Variants in PDE4B observed in about 807,000 individuals in gnomAD.
PDE4B encodes 3',5'-cyclic-AMP phosphodiesterase 4B.
Under a neutral mutation model 82.2 loss-of-function variants are expected in PDE4B, and 20 were observed. The observed-to-expected ratio is 0.24, with a 90% CI of 0.17 to 0.35. The LOEUF (loss-of-function observed/expected upper bound fraction) is 0.35. Among genes scored for constraint, PDE4B ranks in the 10% least tolerant of loss-of-function variants. The probability of loss-of-function intolerance (pLI) is 1.00; values close to 1 mark genes in which losing one functional copy is unlikely to be tolerated. For missense variants in PDE4B, 655 were observed against 907.2 expected, an observed-to-expected ratio of 0.72 and a Z score of 3.57; for synonymous variants, 320 against 318.9, an observed-to-expected ratio of 1.00 and a Z score of -0.04.
At chr1:65,858,819 G>C (rs1268211683) in intron 1 of PDE4B, among the ~76,000 whole-genome samples, 1 of 152,100 alleles carries the variant, frequency 6.6e-6, no homozygotes, top group Non-Finnish European at 1.5e-5. Flanking sequence ...AATGGCAAGG[G>C]ACCATTCTGG....
At chr1:65,862,674 G>C (rs1276769948) in intron 1 of PDE4B, among the ~76,000 whole-genome samples, 1 of 152,034 alleles carries the variant, frequency 6.6e-6, no homozygotes, top group Non-Finnish European at 1.5e-5. Flanking sequence ...GAATCCGTCT[G>C]GTCCTGGACC....
At chr1:66,021,209 G>C (rs1209563867) in intron 3 of PDE4B, among the ~76,000 whole-genome samples, 1 of 152,272 alleles carries the variant, frequency 6.6e-6, no homozygotes, top group South Asian at 2.1e-4. Flanking sequence ...GTAGATTCTG[G>C]ATATTAGCCC....
At chr1:66,168,753 A>G (rs1396409487) in intron 3 of PDE4B, among the ~76,000 whole-genome samples, 1 of 152,208 alleles carries the variant, frequency 6.6e-6, no homozygotes, top group Non-Finnish European at 1.5e-5. Flanking sequence ...TTGAAAATAA[A>G]CTGTAGCAGG....
At chr1:65,874,300 G>A (rs1234803516) in intron 1 of PDE4B, among the ~76,000 whole-genome samples, 6 of 152,080 alleles carry the variant, frequency 3.9e-5, no homozygotes, top group Admixed American at 2.6e-4. Flanking sequence ...TTGCTGATCA[G>A]CTTAAGGAGA....
intron 1 of PDE4B, among the ~76,000 whole-genome samples, chr1:65,854,773 G>A (rs888440518): frequency 6.6e-6 from 1 of 151,774 alleles, no homozygotes; most frequent in Non-Finnish European, 1.5e-5. Flanking sequence ...TTTAGCTTTT[G>A]TAAAAGTATT....
At chr1:65,884,075 AT>A (rs1249215909) in intron 1 of PDE4B, among the ~76,000 whole-genome samples, 1 of 151,810 alleles carries the variant, frequency 6.6e-6, no homozygotes, top group Non-Finnish European at 1.5e-5. Context: ...TTTATTGAGG[AT>A]TTTTGCATCA....
intron 3 of PDE4B, among the ~76,000 whole-genome samples, chr1:65,982,126 T>C (rs1048704958): frequency 3.9e-5 from 6 of 152,184 alleles, no homozygotes; most frequent in Non-Finnish European, 5.9e-5. Context: ...GTTAGACTTA[T>C]GAATGTTAAA....
intron 3 of PDE4B, among the ~76,000 whole-genome samples, chr1:66,139,557 G>A (rs1405615324): frequency 1.3e-5 from 2 of 151,970 alleles, no homozygotes; most frequent in Non-Finnish European, 2.9e-5. Context: ...CTATCATAAG[G>A]TCTGTAACCT....
intron 3 of PDE4B, among the ~76,000 whole-genome samples, chr1:66,067,730 T>C (rs1161736828): frequency 1.3e-5 from 2 of 152,102 alleles, no homozygotes; most frequent in Non-Finnish European, 2.9e-5. Context: ...TTATTGCCAT[T>C]GCTTTTGGTG....
At chr1:65,884,303 G>A (rs1268132659) in intron 1 of PDE4B, among the ~76,000 whole-genome samples, 1 of 151,994 alleles carries the variant, frequency 6.6e-6, no homozygotes, top group African/African-American at 2.4e-5. Context: ...TTTTTTGGTT[G>A]GTAGGCTATT....
intron 9 of PDE4B, 33 bp downstream of exon 9, chr1:66,355,653 A>T: frequency 7.7e-7 from 1 of 1,302,226 alleles, no homozygotes; most frequent in Middle Eastern, 1.8e-4. Context: ...CCTGTTTTAT[A>T]ACTGGGGTTT....
chr1:66,282,926 T>C (rs1656398312), intron 7 of PDE4B, among the ~76,000 whole-genome samples: 1 of 152,160 alleles, frequency 6.6e-6, no homozygotes, highest in African/African-American at 2.4e-5. Flanking sequence ...CCTAGGCTTC[T>C]TCCACCTCTC....
chr1:66,266,634 T>G (rs751808666), intron 7 of PDE4B: 1 of 486,710 alleles, frequency 2.1e-6, no homozygotes, highest in Non-Finnish European at 4.2e-6. Flanking sequence ...TTTTGTTTTG[T>G]TTTTTGTTTT....
In PDE4B at chr1:66,317,371, C is replaced by T. The variant is rs1490263890; in HGVS notation, c.635-15137C>T. The stretch of plus-strand genomic sequence containing the variant: ...AACCCTACCCCGCACACTTCAGACA[C>T]AGCCCTAGACTGCTTAGATGCTTAC... On this transcript the variant is annotated intron_variant, in intron 7 of 16. Transcript: ENST00000341517. Among the ~76,000 whole-genome samples, 6 of 152,260 alleles carry T rather than the reference C, an allele frequency of 3.9e-5. No individual in the cohort carries two copies. In the East Asian group the frequency reaches 7.7e-4, roughly 20 times the overall value.
At chr1:66,194,917 G>A (rs1412515571) in intron 3 of PDE4B, among the ~76,000 whole-genome samples, 1 of 152,022 alleles carries the variant, frequency 6.6e-6, no homozygotes, top group African/African-American at 2.4e-5. Flanking sequence ...TTATATATGT[G>A]AAAATATTTG....
chr1:66,000,795 G>A (rs914285227), intron 3 of PDE4B, among the ~76,000 whole-genome samples: 1 of 152,174 alleles, frequency 6.6e-6, no homozygotes, highest in Non-Finnish European at 1.5e-5. Context: ...TGCAAACTAT[G>A]CAGATTGGAA....
chr1:66,316,980 T>C (rs1659071656), intron 7 of PDE4B, among the ~76,000 whole-genome samples: 2 of 152,332 alleles, frequency 1.3e-5, no homozygotes, highest in South Asian at 4.1e-4. Flanking sequence ...GTGAGCTAGC[T>C]GTGACATACA....
chr1:65,795,455 C>G (rs1368089205), intron 1 of PDE4B, among the ~76,000 whole-genome samples: 2 of 152,218 alleles, frequency 1.3e-5, no homozygotes, highest in Non-Finnish European at 2.9e-5. Flanking sequence ...GCTATTGTAG[C>G]CACCATGTGG....
At chr1:65,883,062 T>G (rs927568542) in intron 1 of PDE4B, among the ~76,000 whole-genome samples, 50 of 152,178 alleles carry the variant, frequency 3.3e-4, no homozygotes, top group African/African-American at 1.1e-3. Context: ...AAAATATGAC[T>G]AACAATCATA....
Sources: gnomAD v4.1 joint callset for allele counts (sites outside exome capture counted in the v4.1 genomes callset) on GRCh38, gnomAD v4.1.1 for gene constraint, MANE v1.5 for transcripts, NCBI Gene and HGNC (gene_info 2026-07-23, HGNC 2026-07-21) for gene names.